Variants in MTREX observed in about 807,000 individuals in gnomAD.
The protein encoded by MTREX is exosome RNA helicase MTR4.
MTREX carries 76 observed loss-of-function variants against 135.4 expected under a neutral mutation model. That is an observed-to-expected ratio of 0.56 (90% CI 0.47 to 0.68). MTREX has a LOEUF of 0.68. Among genes scored for constraint, MTREX ranks in the 30% least tolerant of loss-of-function variants. MTREX has a pLI of 0.00. For missense variants in MTREX, 920 were observed against 1,262.1 expected (o/e 0.73, Z 4.11); for synonymous variants, 404 against 401.6 (o/e 1.01, Z -0.07).
chr5:55,341,478 A>G (rs368259851), intron 6 of MTREX, among the ~76,000 whole-genome samples: 8 of 152,190 alleles, frequency 5.3e-5, no homozygotes, highest in African/African-American at 1.7e-4. Flanking sequence ...GGAATATACA[A>G]TATAATATAC....
At chr5:55,414,710 C>T (rs952569363) in intron 24 of MTREX, among the ~76,000 whole-genome samples, 3 of 152,110 alleles carry the variant, frequency 2.0e-5, no homozygotes, top group African/African-American at 7.2e-5. Context: ...AGTGCAGTGG[C>T]GTGATCTGGG....
intron 1 of MTREX, among the ~76,000 whole-genome samples, chr5:55,319,560 G>A (rs1375435490): frequency 1.3e-5 from 2 of 152,172 alleles, no homozygotes; most frequent in South Asian, 2.1e-4. Context: ...GCTCTTTCTT[G>A]TGCTATGTAT....
intron 13 of MTREX, among the ~76,000 whole-genome samples, chr5:55,351,388 C>T (rs1749825686): frequency 6.6e-6 from 1 of 151,932 alleles, no homozygotes; most frequent in East Asian, 1.9e-4. Flanking sequence ...CAAAATTAGC[C>T]AGTCGTGGTG....
intron 18 of MTREX, 123 bp from the exon 19 acceptor site, chr5:55,387,851 A>G: frequency 1.2e-6 from 1 of 807,598 alleles, no homozygotes; most frequent in South Asian, 3.0e-5. Context: ...ATAAGTATGT[A>G]TTACACAGTT....
At chr5:55,401,051 G>A (rs917230301) in intron 21 of MTREX, among the ~76,000 whole-genome samples, 4 of 152,008 alleles carry the variant, frequency 2.6e-5, no homozygotes, top group African/African-American at 9.7e-5. Context: ...GTGTGTGTGT[G>A]TGAGACAGAG....
At chr5:55,399,285 C>G (rs1220302973) in intron 20 of MTREX, among the ~76,000 whole-genome samples, 1 of 152,150 alleles carries the variant, frequency 6.6e-6, no homozygotes, top group Admixed American at 6.5e-5. Flanking sequence ...GTTTGTCACT[C>G]TTAATGTGTT....
At chr5:55,317,097 T>C (rs776720400) in intron 1 of MTREX, among the ~76,000 whole-genome samples, 7 of 151,884 alleles carry the variant, frequency 4.6e-5, no homozygotes, top group South Asian at 4.2e-4. Flanking sequence ...GTGAAAGATA[T>C]ATGCAATGAG....
intron 10 of MTREX, among the ~76,000 whole-genome samples, chr5:55,346,056 T>G (rs1169945116): frequency 6.6e-6 from 1 of 152,238 alleles, no homozygotes; most frequent in Non-Finnish European, 1.5e-5. Flanking sequence ...TGTTTCTCCA[T>G]TCATCATTGG....
chr5:55,354,761 T>C (rs1338332937), intron 14 of MTREX, among the ~76,000 whole-genome samples: 1 of 152,192 alleles, frequency 6.6e-6, no homozygotes, highest in African/African-American at 2.4e-5. Flanking sequence ...TGGCTAAGGC[T>C]GGGCCCTAGC....
chr5:55,409,132 T>G (rs1326605155), intron 22 of MTREX, among the ~76,000 whole-genome samples: 2 of 152,110 alleles, frequency 1.3e-5, no homozygotes, highest in South Asian at 4.2e-4. Context: ...TTGTATTGCT[T>G]TGTAGAGACA....
chr5:55,326,126 G>T (rs560684518), intron 3 of MTREX, among the ~76,000 whole-genome samples: 1 of 152,216 alleles, frequency 6.6e-6, no homozygotes, highest in Non-Finnish European at 1.5e-5. Context: ...GCTGGGCACA[G>T]TGGCTCACGT....
chr5:55,421,071 CAGT>C (rs1385024407), intron 25 of MTREX, among the ~76,000 whole-genome samples: 1 of 152,094 alleles, frequency 6.6e-6, no homozygotes, highest in Non-Finnish European at 1.5e-5. Context: ...TGTAACAAAC[CAGT>C]AGGTTAATGT....
At chr5:55,379,248 T>C in intron 18 of MTREX, 53 bp downstream of exon 18, 3 of 1,070,608 alleles carry the variant, frequency 2.8e-6, no homozygotes, top group Non-Finnish European at 4.2e-6. Context: ...GTGAAATGTT[T>C]TTTAAGGCTT....
chr5:55,406,774 G>C (rs1357567719), intron 22 of MTREX, among the ~76,000 whole-genome samples: 1 of 152,198 alleles, frequency 6.6e-6, no homozygotes, highest in Non-Finnish European at 1.5e-5. Context: ...AATTGAAATT[G>C]AAATTTCCAC....
intron 25 of MTREX, among the ~76,000 whole-genome samples, chr5:55,416,511 T>C (rs937413306): frequency 2.0e-5 from 3 of 152,116 alleles, no homozygotes; most frequent in Non-Finnish European, 4.4e-5. Context: ...TGATCAGTCA[T>C]TGCATATGTA....
intron 15 of MTREX, among the ~76,000 whole-genome samples, chr5:55,365,753 T>G (rs1418841421): frequency 3.9e-5 from 6 of 152,192 alleles, no homozygotes; most frequent in African/African-American, 1.2e-4. Flanking sequence ...CCCAGCATTT[T>G]GGGAGACTGA....
At chr5:55,384,138 A>G (rs183210105) in intron 18 of MTREX, among the ~76,000 whole-genome samples, 5 of 152,168 alleles carry the variant, frequency 3.3e-5, no homozygotes, top group Non-Finnish European at 5.9e-5. Flanking sequence ...CATTATGGGT[A>G]TGTTGCACTT....
intron 21 of MTREX, among the ~76,000 whole-genome samples, chr5:55,400,984 C>G (rs1440771184): frequency 6.6e-6 from 1 of 152,120 alleles, no homozygotes; most frequent in Non-Finnish European, 1.5e-5. Context: ...TAGCATAAAT[C>G]AGTACTTCAT....
At chr5:55,347,240 A>G in intron 11 of MTREX, 96 bp downstream of exon 11, 1 of 1,252,590 alleles carries the variant, frequency 8.0e-7, no homozygotes, top group Non-Finnish European at 1.1e-6. Context: ...TTACTAGGAT[A>G]TGCCATTCAC....
Sources: allele counts gnomAD v4.1 joint callset (sites outside exome capture counted in the v4.1 genomes callset), GRCh38; gene constraint gnomAD v4.1.1; transcripts MANE v1.5; gene names NCBI Gene and HGNC (gene_info 2026-07-23, HGNC 2026-07-21).